Variants in XKR4 observed in about 807,000 individuals in gnomAD.
XKR4 encodes the protein XK-related protein 4.
In XKR4, 12 loss-of-function variants were observed where a neutral mutation model predicts 53.9. That is an observed-to-expected ratio of 0.22 (90% CI 0.14 to 0.36). XKR4 has a LOEUF of 0.36. XKR4 is among the 10% of genes least tolerant of loss of function. The pLI is 1.00. For synonymous variants in XKR4, 354 were observed against 362.4 expected (o/e 0.98, Z 0.26); for missense variants, 799 against 859.5 (o/e 0.93, Z 0.88).
intron 2 of XKR4, among the ~76,000 whole-genome samples, chr8:55,457,661 A>G (rs1318508810): frequency 1.3e-5 from 2 of 152,246 alleles, no homozygotes; most frequent in Non-Finnish European, 2.9e-5. Context: ...CAGAAACTAA[A>G]GTTCACGGGG....
intron 1 of XKR4, among the ~76,000 whole-genome samples, chr8:55,246,378 A>T (rs1011315012): frequency 6.6e-6 from 1 of 152,154 alleles, no homozygotes; most frequent in African/African-American, 2.4e-5. Context: ...AGGCAGTATG[A>T]TGTGGCTTCA....
At chr8:55,184,635 C>T (rs976641699) in intron 1 of XKR4, among the ~76,000 whole-genome samples, 3 of 152,150 alleles carry the variant, frequency 2.0e-5, no homozygotes, top group African/African-American at 4.8e-5. Context: ...AAACAAACTT[C>T]GTATACATCT....
rs552855868 is a variant in XKR4 at position 55,171,497 on chromosome 8, GGT to G, written c.806+68205_806+68206del. Among the ~76,000 whole-genome samples the G allele has an allele frequency of 4.6e-5, 7 of 152,230 alleles. No individual in the cohort carries two copies. The East Asian group carries it at 1.4e-3, about 29-fold the overall frequency. ...CATACGTCTCCGTGTCATTTTACCT[GGT>G]GACCAGCTTAGGTCTCCCTGGCCTT... On this transcript the variant is annotated intron_variant, in intron 1 of 2. Transcript: ENST00000327381.
intron 1 of XKR4, among the ~76,000 whole-genome samples, chr8:55,186,006 G>A (rs1817372484): frequency 6.6e-6 from 1 of 152,136 alleles, no homozygotes; most frequent in Non-Finnish European, 1.5e-5. Flanking sequence ...TTTGGGGAAA[G>A]AAAATACTTC....
chr8:55,519,183 G>C lies in XKR4; in HGVS notation c.1007-4098G>C, dbSNP rs139077893. 5.3e-3 allele frequency among the ~76,000 whole-genome samples: 800 copies of C among 152,176 alleles called. 6 individuals carry two copies. The highest frequency in any genetic ancestry group is 0.018 in the African/African-American group (764 of 41,514). On this transcript the variant is annotated intron_variant, in intron 2 of 2. Transcript: ENST00000327381. ...ATTATTGCACTAGGTAAGCTCTAAG[G>C]TCTTATCACCTATTTTCACATTTTA...
intron 2 of XKR4, among the ~76,000 whole-genome samples, chr8:55,513,082 G>C (rs1806652836): frequency 6.6e-6 from 1 of 152,166 alleles, no homozygotes; most frequent in Admixed American, 6.5e-5. Flanking sequence ...TGGTCCCAGT[G>C]TGAGGCAGTG....
At chr8:55,352,470 C>A (rs1197550780) in intron 1 of XKR4, among the ~76,000 whole-genome samples, 1 of 152,168 alleles carries the variant, frequency 6.6e-6, no homozygotes, top group Non-Finnish European at 1.5e-5. Context: ...ACTGTTTTGT[C>A]TTCTAGGCAG....
At chr8:55,359,628 C>T (rs1332090110) in intron 2 of XKR4, among the ~76,000 whole-genome samples, 1 of 152,134 alleles carries the variant, frequency 6.6e-6, no homozygotes, top group Non-Finnish European at 1.5e-5. Flanking sequence ...TTGCAAGTCA[C>T]CTTCTGGTGG....
chr8:55,256,869 C>T (rs182672315), intron 1 of XKR4, among the ~76,000 whole-genome samples: 18 of 152,244 alleles, frequency 1.2e-4, no homozygotes, highest in African/African-American at 2.6e-4. Flanking sequence ...GGCTGGGTAA[C>T]GCATAAATAA....
chr8:55,247,835 T>TTTTC (rs374604470), intron 1 of XKR4, among the ~76,000 whole-genome samples: 1,036 of 65,124 alleles, frequency 0.016, 40 homozygotes, highest in African/African-American at 0.033. Context: ...TAATTTTTCT[T>TTTTC]TTTCTTTCTT....
chr8:55,519,943 CTT>C (rs1203509240), intron 2 of XKR4, among the ~76,000 whole-genome samples: 7 of 152,262 alleles, frequency 4.6e-5, no homozygotes, highest in Non-Finnish European at 8.8e-5. Flanking sequence ...TATTTCTAGT[CTT>C]ATAATTTTTC....
rs200138646 is a variant in XKR4 at position 55,523,683 on chromosome 8, C to A, written c.1409C>A (p.Ala470Asp). The stretch of plus-strand genomic sequence containing the variant: ...TTTGTGATCCTTTTGGAAAATACAG[C>A]CTTGAGTGCCCTCTGGTACCTCTAC... Reference protein sequence around the residue: ...YYFVILLENTALSALWYLYKA... With the variant: ...YYFVILLENTDLSALWYLYKA... The change falls in exon 3 of 3, where the codon GCC becomes GAC. Residue 470 changes from alanine (A) to aspartate (D), a missense_variant. Around this residue, in one of 3 missense-constraint regions of XKR4, gnomAD observed 269 missense variants for 264.4 expected, o/e 1.02. Transcript: ENST00000327381. 6.2e-7 allele frequency: 1 copy of A among 1,614,160 alleles called. No individual in the cohort carries two copies. Among genetic ancestry groups the A allele is most frequent in the Admixed American group, 1.7e-5 (1 of 60,012 alleles).
intron 2 of XKR4, among the ~76,000 whole-genome samples, chr8:55,487,497 A>C (rs1215225613): frequency 6.9e-6 from 1 of 144,756 alleles, no homozygotes; most frequent in Non-Finnish European, 1.5e-5. Flanking sequence ...ACAGAGTCTT[A>C]CTCTGTCACC....
chr8:55,522,855 C>G (rs1362866542), intron 2 of XKR4, among the ~76,000 whole-genome samples: 2 of 152,206 alleles, frequency 1.3e-5, no homozygotes, highest in African/African-American at 4.8e-5. Flanking sequence ...GTTTGAGTAG[C>G]ATTCCTATTA....
At chr8:55,170,002 A>G (rs1817135498) in intron 1 of XKR4, among the ~76,000 whole-genome samples, 1 of 152,192 alleles carries the variant, frequency 6.6e-6, no homozygotes, top group Non-Finnish European at 1.5e-5. Flanking sequence ...AGTTATTAAA[A>G]TAACTTAGTT....
At chr8:55,105,401 G>C (rs1348738576) in intron 1 of XKR4, among the ~76,000 whole-genome samples, 1 of 152,134 alleles carries the variant, frequency 6.6e-6, no homozygotes, top group Non-Finnish European at 1.5e-5. Flanking sequence ...TTTGAATGTA[G>C]AAAGAAAACC....
In XKR4 at chr8:55,541,832, G is replaced by A. The variant is rs1807105471; in HGVS notation, c.*17605G>A. On this transcript the variant is annotated 3_prime_UTR_variant, in exon 3 of 3. Coordinates refer to ENST00000327381, the MANE Select transcript of XKR4 (RefSeq NM_052898.2). Reference sequence around the variant, plus strand: ...GATTGTAAGTGTGTCTTTATTCGCGGGAGGCCACTGTCAGCAGGCAGTGAC... The same window carrying A: ...GATTGTAAGTGTGTCTTTATTCGCGAGAGGCCACTGTCAGCAGGCAGTGAC... The A allele has an allele frequency of 6.6e-6, 1 of 152,032 alleles. No individual in the cohort carries two copies. Among genetic ancestry groups the A allele is most frequent in the African/African-American group, 2.4e-5 (1 of 41,402 alleles). 9.4% of individuals were successfully genotyped at this position (152,032 alleles called of 1,614,324 possible). A position where few individuals can be genotyped will look rare whatever the true frequency, so the allele number is the denominator to read the frequency against.
chr8:55,148,556 C>T lies in XKR4; in HGVS notation c.806+45262C>T, dbSNP rs531283338. Among the ~76,000 whole-genome samples, 161 of 152,156 alleles carry T rather than the reference C, an allele frequency of 1.1e-3. 2 individuals carry two copies. Among genetic ancestry groups the T allele is most frequent in the Non-Finnish European group, 1.1e-3 (78 of 68,018 alleles). The stretch of plus-strand genomic sequence containing the variant: ...TTCTTTTCAGTTATTGTTAAGTTAT[C>T]GGGTCAAATAATGTAAAATGCATGT... On this transcript the variant is annotated intron_variant, in intron 1 of 2. Coordinates refer to ENST00000327381, the MANE Select transcript of XKR4 (RefSeq NM_052898.2).
At chr8:55,155,336 C>A (rs1480125204) in intron 1 of XKR4, among the ~76,000 whole-genome samples, 1 of 151,848 alleles carries the variant, frequency 6.6e-6, no homozygotes, top group African/African-American at 2.4e-5. Context: ...CTAACGATGA[C>A]CAGAAGGTAG....
Sources: gnomAD v4.1 joint callset for allele counts (sites outside exome capture counted in the v4.1 genomes callset) on GRCh38, gnomAD v4.1.1 for gene constraint, gnomAD v4.1.1 regional missense constraint, MANE v1.5 for transcripts, NCBI Gene and HGNC (gene_info 2026-07-23, HGNC 2026-07-21) for gene names.